The following TLCD4 variants were observed in gnomAD, a reference collection of about 807,000 sequenced individuals.
The protein encoded by TLCD4 is TLC domain containing 4.
TLCD4 carries 7 observed loss-of-function variants against 24.2 expected under a neutral mutation model. That is an observed-to-expected ratio of 0.29 (90% CI 0.16 to 0.54). The LOEUF is 0.54. Among genes scored for constraint, TLCD4 ranks in the 20% least tolerant of loss-of-function variants. The pLI is 0.95. For missense variants in TLCD4, 259 were observed against 313.9 expected (o/e 0.82, Z 1.32); for synonymous variants, 103 against 106.4 (o/e 0.97, Z 0.20).
rs1679160441 is a variant in TLCD4 at position 95,195,318 on chromosome 1, A to G, written c.*3450A>G. ...GAAACAGAGGGGAAGGTGTTGTTAC[A>G]GTGTACATGTTTCCTCTGTGTCGTT... On this transcript the variant is annotated 3_prime_UTR_variant, in exon 7 of 7. Transcript: ENST00000370203. The G allele has an allele frequency of 1.3e-5, 2 of 152,214 alleles. No individual in the cohort carries two copies. Among genetic ancestry groups the G allele is most frequent in the Admixed American group, 6.5e-5 (1 of 15,276 alleles). 9.4% of individuals were successfully genotyped at this position (152,214 alleles called of 1,614,324 possible).
upstream of TLCD4, among the ~76,000 whole-genome samples, chr1:95,113,190 G>A (rs911375824): frequency 2.6e-5 from 4 of 151,444 alleles, no homozygotes; most frequent in Admixed American, 1.3e-4. Flanking sequence ...TTACAGGCGT[G>A]CGCCACTAAG....
At chr1:95,132,514 C>T (rs372540874) in intron 1 of TLCD4, among the ~76,000 whole-genome samples, 6 of 150,984 alleles carry the variant, frequency 4.0e-5, no homozygotes, top group African/African-American at 1.2e-4. Flanking sequence ...ACCACAAAAC[C>T]GACTCGGATA....
chr1:95,181,821 A>G (rs1016539166), intron 6 of TLCD4, among the ~76,000 whole-genome samples: 2 of 151,886 alleles, frequency 1.3e-5, no homozygotes, highest in Admixed American at 6.6e-5. Context: ...GGGTTTCACT[A>G]TGTTGGCCAG....
At chr1:95,122,002 C>A (rs1474472299) in intron 1 of TLCD4, among the ~76,000 whole-genome samples, 4 of 152,152 alleles carry the variant, frequency 2.6e-5, no homozygotes, top group African/African-American at 9.7e-5. Flanking sequence ...CTTTTGATTT[C>A]CTTTTCATGA....
chr1:95,129,599 G>A (rs191130814), intron 1 of TLCD4, among the ~76,000 whole-genome samples: 139 of 152,214 alleles, frequency 9.1e-4, no homozygotes, highest in African/African-American at 3.0e-3. Flanking sequence ...AAAATTAGCC[G>A]GGTATGGTGG....
At chr1:95,177,556 A>G (rs561938418) in intron 6 of TLCD4, among the ~76,000 whole-genome samples, 2 of 152,280 alleles carry the variant, frequency 1.3e-5, no homozygotes, top group South Asian at 4.1e-4. Context: ...ATTACTTGTG[A>G]GGTCTCTTTT....
chr1:95,176,014 G>A (rs1023721840), intron 6 of TLCD4, among the ~76,000 whole-genome samples: 6 of 151,590 alleles, frequency 4.0e-5, no homozygotes, highest in East Asian at 3.9e-4. Context: ...GGGCTCAAGC[G>A]ATCCTCCCAC....
At chr1:95,102,906 CTA>C in the TLCD4 span, among the ~76,000 whole-genome samples, 2 of 150,522 alleles carry the variant, frequency 1.3e-5, no homozygotes, top group African/African-American at 2.4e-5. Flanking sequence ...GGATAAAGTA[CTA>C]TATATATATA....
chr1:95,182,213 T>C (rs991313035), intron 6 of TLCD4, among the ~76,000 whole-genome samples: 2 of 152,110 alleles, frequency 1.3e-5, no homozygotes, highest in African/African-American at 4.8e-5. Flanking sequence ...ACTTTTTTTT[T>C]TTATTTTTGA....
intron 1 of TLCD4, among the ~76,000 whole-genome samples, chr1:95,122,963 T>A (rs974659093): frequency 6.6e-6 from 1 of 152,002 alleles, no homozygotes; most frequent in South Asian, 2.1e-4. Context: ...TGTTACTTTA[T>A]GGACATGATT....
chr1:95,167,869 A>G (rs1678073680), intron 5 of TLCD4, among the ~76,000 whole-genome samples: 1 of 152,160 alleles, frequency 6.6e-6, no homozygotes, highest in African/African-American at 2.4e-5. Context: ...ACCAATAAAT[A>G]GTCTGGGCTT....
chr1:95,109,157 G>A, the TLCD4 span, among the ~76,000 whole-genome samples: 66 of 152,004 alleles, frequency 4.3e-4, no homozygotes, highest in African/African-American at 1.4e-3. Context: ...GCAAAACCCC[G>A]TCTCTGCAAA....
rs189154209 is a variant in TLCD4 at position 95,156,964 on chromosome 1, G to A, written c.399+5545G>A. On this transcript the variant is annotated intron_variant, in intron 5 of 6. Transcript: ENST00000370203. The stretch of plus-strand genomic sequence containing the variant: ...CCAGAAGAAGAATGATCAGGCAAAG[G>A]ATAACTCGGAAGGTAGAAAGAGAAC... Among the ~76,000 whole-genome samples the A allele has an allele frequency of 5.9e-5, 9 of 152,242 alleles. No homozygotes were observed. The East Asian group carries it at 1.4e-3, about 23-fold the overall frequency.
At chr1:95,108,276 T>G in the TLCD4 span, among the ~76,000 whole-genome samples, 183 of 152,322 alleles carry the variant, frequency 1.2e-3, no homozygotes, top group Non-Finnish European at 2.2e-3. Context: ...TTAGATTTAT[T>G]AATCTTTTAT....
chr1:95,136,561 G>A (rs1677047833), intron 1 of TLCD4, among the ~76,000 whole-genome samples: 1 of 152,144 alleles, frequency 6.6e-6, no homozygotes, highest in African/African-American at 2.4e-5. Flanking sequence ...AGAGAAAATT[G>A]TATAAAATAT....
chr1:95,093,536 G>C, the TLCD4 span, among the ~76,000 whole-genome samples: 2 of 152,178 alleles, frequency 1.3e-5, no homozygotes, highest in Non-Finnish European at 2.9e-5. Context: ...AAGTAGATAG[G>C]ACCACAGGTA....
At chr1:95,166,644 A>G (rs1678025759) in intron 5 of TLCD4, among the ~76,000 whole-genome samples, 1 of 152,154 alleles carries the variant, frequency 6.6e-6, no homozygotes, top group Admixed American at 6.5e-5. Flanking sequence ...TCACCCTTGC[A>G]TCAGTAACTA....
chr1:95,122,041 A>T (rs940996660), intron 1 of TLCD4, among the ~76,000 whole-genome samples: 1 of 151,960 alleles, frequency 6.6e-6, no homozygotes, highest in Non-Finnish European at 1.5e-5. Context: ...AACACCGAAC[A>T]CTCCTAGCAG....
intron 1 of TLCD4, among the ~76,000 whole-genome samples, chr1:95,140,462 G>T (rs1360231142): frequency 6.6e-6 from 1 of 152,106 alleles, no homozygotes; most frequent in Non-Finnish European, 1.5e-5. Flanking sequence ...ACCTTTTCAT[G>T]TTTTTCCCTA....
Sources: gnomAD v4.1 joint callset for allele counts (sites outside exome capture counted in the v4.1 genomes callset) on GRCh38, gnomAD v4.1.1 for gene constraint, MANE v1.5 for transcripts, NCBI Gene and HGNC (gene_info 2026-07-23, HGNC 2026-07-21) for gene names.